MAGI2: variants seen among roughly 807,000 people sequenced by gnomAD.
MAGI2 encodes membrane-associated guanylate kinase, WW and PDZ domain-containing protein 2.
A neutral mutation model predicts 133.3 loss-of-function variants in MAGI2; 35 were observed. That is an observed-to-expected ratio of 0.26 (90% CI 0.20 to 0.35). The LOEUF (loss-of-function observed/expected upper bound fraction) is 0.35, where lower values mean the gene tolerates loss of function less well. Among genes scored for constraint, MAGI2 ranks in the 10% least tolerant of loss-of-function variants. MAGI2 has a pLI of 1.00. For synonymous variants in MAGI2, 729 were observed against 710.6 expected, an observed-to-expected ratio of 1.03 and a Z score of -0.41; for missense variants, 1,636 against 1,863.4, an observed-to-expected ratio of 0.88 and a Z score of 2.25.
chr7:78,559,108 ACTTTTAGGAGCTTGCAAT>A (rs1377506518), intron 3 of MAGI2, among the ~76,000 whole-genome samples: 5 of 128,800 alleles, frequency 3.9e-5, no homozygotes, highest in Non-Finnish European at 7.9e-5. Context: ...TTACGACTCT[ACTTTTAGGAGCTTGCAAT>A]CTGAATTTCC....
At chr7:79,266,822 C>G (rs577861532) in intron 1 of MAGI2, among the ~76,000 whole-genome samples, 3 of 152,270 alleles carry the variant, frequency 2.0e-5, no homozygotes, top group South Asian at 4.1e-4. Context: ...GACACCCCCC[C>G]AAAGCAAGCC....
chr7:78,948,892 A>G (rs370659950), intron 2 of MAGI2, among the ~76,000 whole-genome samples: 3 of 152,068 alleles, frequency 2.0e-5, no homozygotes, highest in Non-Finnish European at 1.5e-5. Context: ...TTTTTATCCT[A>G]TAATAATCTG....
At chr7:79,327,011 G>C (rs999838786) in intron 1 of MAGI2, among the ~76,000 whole-genome samples, 2 of 152,092 alleles carry the variant, frequency 1.3e-5, no homozygotes, top group African/African-American at 4.8e-5. Flanking sequence ...AGAAATCTGA[G>C]GCAGGTAAAG....
intron 21 of MAGI2, among the ~76,000 whole-genome samples, chr7:78,066,852 T>G (rs1468070638): frequency 1.3e-5 from 2 of 152,216 alleles, no homozygotes; most frequent in Non-Finnish European, 2.9e-5. Flanking sequence ...GCAGCTTGGA[T>G]GTGTTGAGGC....
At chr7:78,037,922 C>T (rs891628826) in intron 21 of MAGI2, among the ~76,000 whole-genome samples, 5 of 152,176 alleles carry the variant, frequency 3.3e-5, no homozygotes, top group Admixed American at 6.5e-5. Flanking sequence ...GCTGTGTGCA[C>T]GTCTGGAGTC....
chr7:79,130,849 T>C (rs1009672982), intron 1 of MAGI2, among the ~76,000 whole-genome samples: 4 of 152,262 alleles, frequency 2.6e-5, no homozygotes, highest in African/African-American at 9.6e-5. Context: ...AGCCAAAAGG[T>C]AGCTTGGTTA....
chr7:78,256,255 C>G lies in MAGI2; in HGVS notation c.1735G>C (p.Asp579His). The G allele has an allele frequency of 6.2e-7, 1 of 1,614,050 alleles. No homozygotes were observed. Among genetic ancestry groups the G allele is most frequent in the Non-Finnish European group, 8.5e-7 (1 of 1,179,994 alleles). ...LHSMPTDGQL[D>H]GTYPPPVHDD... The stretch of plus-strand genomic sequence containing the variant: ...TGGACGGGCGGTGGATACGTGCCGT[C>G]TAGCTGACCATCAGTTGGCATGGAG... The change falls in exon 10 of 22, where the codon GAC becomes CAC. Residue 579 changes from aspartate to histidine, a missense_variant. Around this residue, in one of 5 missense-constraint regions of MAGI2, gnomAD observed 920 missense variants for 1,093.5 expected, o/e 0.84. Coordinates refer to ENST00000354212, the MANE Select transcript of MAGI2 (RefSeq NM_012301.4).
intron 9 of MAGI2, among the ~76,000 whole-genome samples, chr7:78,266,653 CT>C (rs1028948607): frequency 2.0e-5 from 3 of 151,978 alleles, no homozygotes; most frequent in African/African-American, 7.3e-5. Context: ...TCTCAGCTTA[CT>C]GCAACCTCCA....
chr7:79,118,908 A>G (rs1819640591), intron 1 of MAGI2, among the ~76,000 whole-genome samples: 2 of 152,154 alleles, frequency 1.3e-5, no homozygotes, highest in Admixed American at 6.6e-5. Flanking sequence ...TTCTTCTTCA[A>G]AGATTGTTTT....
chr7:79,028,254 T>G (rs1423687173), intron 1 of MAGI2, among the ~76,000 whole-genome samples: 1 of 22,118 alleles, frequency 4.5e-5, no homozygotes, highest in African/African-American at 1.3e-4. Context: ...TATATATATA[T>G]ATATATATAT....
chr7:79,219,825 G>T (rs1221765972), intron 1 of MAGI2, among the ~76,000 whole-genome samples: 1 of 151,884 alleles, frequency 6.6e-6, no homozygotes, highest in Non-Finnish European at 1.5e-5. Flanking sequence ...GGAAATCTTT[G>T]AATTTTTAAT....
At chr7:78,375,453 C>G (rs761330070) in intron 6 of MAGI2, among the ~76,000 whole-genome samples, 1 of 151,950 alleles carries the variant, frequency 6.6e-6, no homozygotes, top group Non-Finnish European at 1.5e-5. Context: ...AATGGGCCTC[C>G]TTTTACAGAA....
chr7:78,115,179 T>C (rs953514743), intron 20 of MAGI2, among the ~76,000 whole-genome samples: 1 of 151,952 alleles, frequency 6.6e-6, no homozygotes, highest in Non-Finnish European at 1.5e-5. Context: ...GAACCTTGAG[T>C]TTCCATTTTG....
chr7:78,681,423 G>C (rs1815647184), intron 2 of MAGI2, among the ~76,000 whole-genome samples: 1 of 152,084 alleles, frequency 6.6e-6, no homozygotes, highest in Non-Finnish European at 1.5e-5. Flanking sequence ...AGCAGATTCT[G>C]TTTGCCATTT....
intron 2 of MAGI2, among the ~76,000 whole-genome samples, chr7:78,863,735 GC>G (rs779427811): frequency 1.1e-4 from 16 of 152,324 alleles, no homozygotes; most frequent in Non-Finnish European, 2.1e-4. Context: ...CATTCTTTGA[GC>G]TGATAAAGGC....
chr7:78,960,642 A>G (rs1802758904), intron 2 of MAGI2, among the ~76,000 whole-genome samples: 1 of 152,142 alleles, frequency 6.6e-6, no homozygotes, highest in Non-Finnish European at 1.5e-5. Flanking sequence ...TAAACTTGCC[A>G]TTATTTAAAC....
chr7:78,392,180 G>T (rs1166093940), intron 6 of MAGI2, among the ~76,000 whole-genome samples: 2 of 152,082 alleles, frequency 1.3e-5, no homozygotes, highest in Admixed American at 1.3e-4. Flanking sequence ...ATCTGTAAGG[G>T]GTATTTATGC....
intron 3 of MAGI2, among the ~76,000 whole-genome samples, chr7:78,562,290 T>G (rs1800488148): frequency 6.6e-6 from 1 of 152,256 alleles, no homozygotes; most frequent in Non-Finnish European, 1.5e-5. Flanking sequence ...TCACTCCCTA[T>G]TCCTGATGTT....
At chr7:79,125,665 C>G (rs1459912628) in intron 1 of MAGI2, 7 of 529,238 alleles carry the variant, frequency 1.3e-5, no homozygotes, top group Non-Finnish European at 2.2e-5. Flanking sequence ...AACAATCAAT[C>G]TTTAAATTTT....
Sources: allele counts gnomAD v4.1 joint callset (sites outside exome capture counted in the v4.1 genomes callset), GRCh38; gene constraint gnomAD v4.1.1; regional missense constraint gnomAD v4.1.1; transcripts MANE v1.5; gene names NCBI Gene and HGNC (gene_info 2026-07-23, HGNC 2026-07-21).